Variants in PMS1 observed in about 807,000 individuals in gnomAD.
PMS1 encodes PMS1 homolog 1, mismatch repair system component.
In PMS1, 79 loss-of-function variants were observed where a neutral mutation model predicts 93.1. The observed-to-expected ratio is 0.85, with a 90% CI of 0.71 to 1.02. The LOEUF (loss-of-function observed/expected upper bound fraction) is 1.02. Among genes scored for constraint, PMS1 ranks in the 50% least tolerant of loss-of-function variants. PMS1 has a pLI of 0.00. For synonymous variants in PMS1, 335 were observed against 363.4 expected (o/e 0.92, Z 0.89); for missense variants, 1,064 against 1,085.3 (o/e 0.98, Z 0.28).
At chr2:189,867,210 C>A (rs1301198582) in intron 10 of PMS1, among the ~76,000 whole-genome samples, 1 of 152,158 alleles carries the variant, frequency 6.6e-6, no homozygotes, top group Non-Finnish European at 1.5e-5. Context: ...CCTGACCAAG[C>A]CTAAAACCAA....
At chr2:189,869,225 G>T (rs2056923719) in intron 11 of PMS1, among the ~76,000 whole-genome samples, 1 of 152,182 alleles carries the variant, frequency 6.6e-6, no homozygotes, top group Admixed American at 6.5e-5. Flanking sequence ...ACTCCAGGAA[G>T]TATTGGTGAG....
At chr2:189,786,060 G>A (rs1016932545) in intron 1 of PMS1, among the ~76,000 whole-genome samples, 2 of 152,118 alleles carry the variant, frequency 1.3e-5, no homozygotes, top group Non-Finnish European at 2.9e-5. Flanking sequence ...GGGAGGCAGA[G>A]GTTGCAGTGA....
intron 9 of PMS1, among the ~76,000 whole-genome samples, chr2:189,859,831 C>T (rs256571): frequency 0.18 from 28,090 of 151,988 alleles, 5,142 homozygotes; most frequent in African/African-American, 0.48. Context: ...ATTAAAAAAA[C>T]TAACAATTAG....
rs1199824758 is a variant in PMS1, at chr2:189,867,821, T to G, written c.2365T>G (p.Leu789Val). The G allele has an allele frequency of 1.3e-6, 2 of 1,574,342 alleles. No individual in the cohort carries two copies. The highest frequency in any genetic ancestry group is 1.7e-5 in the Admixed American group (1 of 59,934). ...CAGTCTTTTTAATGGATCTCATTAT[T>G]TAGACGTTTTATATAAAATGACAGC... ...TESLFNGSHY[L>V]DVLYKMTADD... The change falls in exon 11 of 13, where the codon TTA (leucine) becomes GTA (valine). Residue 789 changes from leucine (L) to valine (V), a missense_variant. Transcript: ENST00000441310.
chr2:189,839,103 T>C lies in PMS1; in HGVS notation c.583-4861T>C, dbSNP rs546896517. On this transcript the variant is annotated intron_variant, in intron 5 of 12. Coordinates refer to ENST00000441310, the MANE Select transcript of PMS1 (RefSeq NM_000534.5). ...ATCTCCTGGGTTCAAGTGATTCTCATGCCTTAGCCTCCCAAGTAGCTAGGA... is the reference window on the plus strand; with the variant it reads ...ATCTCCTGGGTTCAAGTGATTCTCACGCCTTAGCCTCCCAAGTAGCTAGGA... Among the ~76,000 whole-genome samples, 23 of 152,232 alleles carry C rather than the reference T, an allele frequency of 1.5e-4. 1 individual carries two copies. The South Asian group carries it at 2.5e-3, about 16-fold the overall frequency.
chr2:189,835,883 C>T (rs1009227983), intron 5 of PMS1, among the ~76,000 whole-genome samples: 4 of 140,034 alleles, frequency 2.9e-5, no homozygotes, highest in Non-Finnish European at 6.0e-5. Flanking sequence ...ACTATGATCA[C>T]ACCACTGTAC....
At chr2:189,821,439 A>G (rs905667522) in intron 5 of PMS1, among the ~76,000 whole-genome samples, 21 of 150,130 alleles carry the variant, frequency 1.4e-4, no homozygotes, top group South Asian at 1.3e-3. Flanking sequence ...CCTGGGCTAC[A>G]GAGGGAGACT....
In PMS1 at chr2:189,812,613, G is replaced by GGTTTA. The variant is rs573571473; in HGVS notation, c.419-5404_419-5403insGTTTA. Among the ~76,000 whole-genome samples, 219 of 152,204 alleles carry GGTTTA rather than the reference G, an allele frequency of 1.4e-3. 2 individuals carry two copies. In the South Asian group the frequency reaches 0.021, roughly 15 times the overall value. ...AGTTTATCACACAGAAAAGTAAAACGCATGACAAAAACTTTACAAAAGGTA... is the reference window on the plus strand; with the variant it reads ...AGTTTATCACACAGAAAAGTAAAACGGTTTACATGACAAAAACTTTACAAAAGGTA... On this transcript the variant is annotated intron_variant, in intron 4 of 12. Transcript: ENST00000441310.
At chr2:189,830,138 T>G (rs1024053237) in intron 5 of PMS1, among the ~76,000 whole-genome samples, 16 of 152,234 alleles carry the variant, frequency 1.1e-4, no homozygotes, top group Admixed American at 3.3e-4. Context: ...GCCGTATAGT[T>G]TCTCTTACAG....
At chr2:189,857,740 G>T (rs2106477475) in intron 9 of PMS1, among the ~76,000 whole-genome samples, 1 of 152,150 alleles carries the variant, frequency 6.6e-6, no homozygotes, top group South Asian at 2.1e-4. Flanking sequence ...GTGTAGGCTA[G>T]TAAGGAAGAT....
At chr2:189,808,290 T>C (rs2050517413) in intron 4 of PMS1, among the ~76,000 whole-genome samples, 1 of 152,132 alleles carries the variant, frequency 6.6e-6, no homozygotes, top group Non-Finnish European at 1.5e-5. Flanking sequence ...TATTTAGGCA[T>C]TGGAAAATTT....
At chr2:189,877,111 A>G (rs1216165116) in intron 12 of PMS1, among the ~76,000 whole-genome samples, 161 bp from the exon 13 acceptor site, 4 of 152,222 alleles carry the variant, frequency 2.6e-5, no homozygotes, top group Non-Finnish European at 5.9e-5. Flanking sequence ...GTTCACCACT[A>G]CATCCCGAGA....
At chr2:189,845,810 A>G (rs1267706216) in intron 6 of PMS1, among the ~76,000 whole-genome samples, 1 of 151,978 alleles carries the variant, frequency 6.6e-6, no homozygotes, top group Non-Finnish European at 1.5e-5. Context: ...TGCACACTGC[A>G]ACTTCTGCTT....
intron 8 of PMS1, 49 bp downstream of exon 8, chr2:189,854,131 T>A: frequency 7.1e-7 from 1 of 1,404,546 alleles, no homozygotes; most frequent in Non-Finnish European, 9.8e-7. Flanking sequence ...AAACATATAT[T>A]ACTGTTTTCA....
Position 189,873,027 on chromosome 2 carries a change from TTTC to T in PMS1, c.2474-464_2474-462del, listed in dbSNP as rs560740278. Among the ~76,000 whole-genome samples, 199 of 152,348 alleles carry T rather than the reference TTTC, an allele frequency of 1.3e-3. 5 individuals are homozygous for T. The South Asian group carries it at 0.039, about 30-fold the overall frequency. On this transcript the variant is annotated intron_variant, in intron 11 of 12. Coordinates refer to ENST00000441310, the MANE Select transcript of PMS1 (RefSeq NM_000534.5). Reference sequence around the variant, plus strand: ...TTAAAATATTTTGAACAAACAGTATTTTCTTCTAATTAATAATATCTCCATAAA... The same window carrying T: ...TTAAAATATTTTGAACAAACAGTATTTTCTAATTAATAATATCTCCATAAA...
At chr2:189,804,860 T>C (rs1313319598) in intron 3 of PMS1, among the ~76,000 whole-genome samples, 2 of 152,182 alleles carry the variant, frequency 1.3e-5, no homozygotes, top group Admixed American at 1.3e-4. Context: ...TTCTTCCCAA[T>C]GCTTTCCTTG....
At chr2:189,873,979 A>G (rs536539667) in intron 12 of PMS1, among the ~76,000 whole-genome samples, 45 of 152,306 alleles carry the variant, frequency 3.0e-4, no homozygotes, top group Admixed American at 5.2e-4. Flanking sequence ...TGCTGATTCT[A>G]TATATAGAGG....
intron 11 of PMS1, 124 bp from the exon 12 acceptor site, chr2:189,873,372 C>T (rs985264960): frequency 1.5e-6 from 1 of 668,244 alleles, no homozygotes; most frequent in African/African-American, 1.8e-5. Context: ...AGGAACAAAA[C>T]TTTGTCCTGA....
At chr2:189,867,709 C>T (rs1013932184) in intron 10 of PMS1, 90 bp from the exon 11 acceptor site, 4 of 877,272 alleles carry the variant, frequency 4.6e-6, no homozygotes, top group Admixed American at 4.0e-5. Context: ...GATGATAACA[C>T]TTGTCAAAGG....
Sources: allele counts gnomAD v4.1 joint callset (sites outside exome capture counted in the v4.1 genomes callset), GRCh38; gene constraint gnomAD v4.1.1; transcripts MANE v1.5; gene names NCBI Gene and HGNC (gene_info 2026-07-23, HGNC 2026-07-21).